LRRTM4: variants seen among roughly 807,000 people sequenced by gnomAD.
LRRTM4 encodes leucine-rich repeat transmembrane neuronal protein 4.
A neutral mutation model predicts 47.6 loss-of-function variants in LRRTM4; 25 were observed. The observed-to-expected ratio is 0.53, with a 90% CI of 0.38 to 0.73. LRRTM4 has a LOEUF of 0.73. LRRTM4 is among the 30% of genes least tolerant of loss of function. The pLI is 0.00. For synonymous variants in LRRTM4, 311 were observed against 269.5 expected (o/e 1.15, Z -1.51); for missense variants, 638 against 713.4 (o/e 0.89, Z 1.20).
At chr2:77,490,533 A>T (rs1678105461) in intron 3 of LRRTM4, among the ~76,000 whole-genome samples, 1 of 152,208 alleles carries the variant, frequency 6.6e-6, no homozygotes, top group African/African-American at 2.4e-5. Context: ...AATCCACAAA[A>T]GAAAAATCCT....
chr2:77,267,647 A>G (rs149071018), intron 3 of LRRTM4, among the ~76,000 whole-genome samples: 11 of 152,288 alleles, frequency 7.2e-5, no homozygotes, highest in Non-Finnish European at 1.0e-4. Context: ...TAACACCATT[A>G]GAGCCCACTT....
chr2:76,803,208 G>T (rs11126567), intron 3 of LRRTM4, among the ~76,000 whole-genome samples: 4,174 of 152,076 alleles, frequency 0.027, 191 homozygotes, highest in African/African-American at 0.082. Context: ...ATCATCAAGG[G>T]TTAATATCCA....
At chr2:77,016,407 G>C (rs1678073106) in intron 3 of LRRTM4, among the ~76,000 whole-genome samples, 1 of 151,438 alleles carries the variant, frequency 6.6e-6, no homozygotes, top group South Asian at 2.1e-4. Context: ...AAAAGAGTGA[G>C]GAAGAAGATG....
intron 3 of LRRTM4, among the ~76,000 whole-genome samples, chr2:77,330,680 A>C (rs1056411796): frequency 8.5e-5 from 13 of 152,200 alleles, no homozygotes; most frequent in Non-Finnish European, 1.6e-4. Flanking sequence ...AATATGACAA[A>C]TTTAATCATT....
At chr2:76,971,691 T>C (rs1049477820) in intron 3 of LRRTM4, among the ~76,000 whole-genome samples, 3 of 152,034 alleles carry the variant, frequency 2.0e-5, no homozygotes, top group Non-Finnish European at 4.4e-5. Flanking sequence ...AGAGTCAGCA[T>C]TTAACTGTAT....
chr2:77,521,579 C>T, intron 2 of LRRTM4, 89 bp downstream of exon 2: 2 of 1,492,820 alleles, frequency 1.3e-6, no homozygotes, highest in South Asian at 2.3e-5. Context: ...TGCCTGTTTC[C>T]CCGTCTTTTA....
intron 3 of LRRTM4, among the ~76,000 whole-genome samples, chr2:77,338,781 C>T (rs1558695400): frequency 6.6e-6 from 1 of 151,864 alleles, no homozygotes; most frequent in Non-Finnish European, 1.5e-5. Flanking sequence ...ATCATCGTAC[C>T]ACAAAGACAC....
intron 3 of LRRTM4, among the ~76,000 whole-genome samples, chr2:77,137,849 A>C (rs1389476109): frequency 6.6e-6 from 1 of 152,210 alleles, no homozygotes; most frequent in Non-Finnish European, 1.5e-5. Context: ...AACAGACTTT[A>C]AACCAACAGA....
intron 3 of LRRTM4, among the ~76,000 whole-genome samples, chr2:76,972,997 T>G (rs1203537147): frequency 6.6e-6 from 1 of 152,084 alleles, no homozygotes; most frequent in Non-Finnish European, 1.5e-5. Flanking sequence ...ATCAATATTT[T>G]AAAAGACTTT....
intron 3 of LRRTM4, among the ~76,000 whole-genome samples, chr2:76,766,863 A>T (rs1673476765): frequency 6.6e-6 from 1 of 152,094 alleles, no homozygotes. Context: ...ATACCCTGTT[A>T]CCCCCAAGGA....
At chr2:76,943,704 C>A (rs777273737) in intron 3 of LRRTM4, among the ~76,000 whole-genome samples, 10 of 152,170 alleles carry the variant, frequency 6.6e-5, no homozygotes, top group Non-Finnish European at 1.3e-4. Context: ...AACCTCAGAA[C>A]AACACACACT....
chr2:77,042,180 AATAT>A (rs1371037853), intron 3 of LRRTM4, among the ~76,000 whole-genome samples: 2 of 151,462 alleles, frequency 1.3e-5, no homozygotes, highest in African/African-American at 4.8e-5. Flanking sequence ...TTACACTATG[AATAT>A]ATATAAGAAT....
At chr2:77,137,566 C>T (rs967928319) in intron 3 of LRRTM4, among the ~76,000 whole-genome samples, 1 of 152,066 alleles carries the variant, frequency 6.6e-6, no homozygotes, top group African/African-American at 2.4e-5. Flanking sequence ...ACTGCATCAA[C>T]TAACAAGCAA....
At chr2:76,945,647 A>G (rs889175743) in intron 3 of LRRTM4, among the ~76,000 whole-genome samples, 4 of 152,036 alleles carry the variant, frequency 2.6e-5, no homozygotes, top group African/African-American at 7.2e-5. Flanking sequence ...TTGCAATAAA[A>G]TTCAAGAACA....
At chr2:77,510,316 G>A (rs192748162) in intron 3 of LRRTM4, among the ~76,000 whole-genome samples, 4 of 152,180 alleles carry the variant, frequency 2.6e-5, no homozygotes, top group Admixed American at 2.0e-4. Flanking sequence ...GTGAAAGAAC[G>A]TATGTTTCAG....
intron 3 of LRRTM4, among the ~76,000 whole-genome samples, chr2:77,325,026 T>C (rs1573254846): frequency 1.3e-5 from 2 of 152,150 alleles, no homozygotes; most frequent in East Asian, 3.9e-4. Flanking sequence ...TCCATGCACA[T>C]CCCTTCCACT....
At chr2:77,091,143 T>G (rs866189325) in intron 3 of LRRTM4, among the ~76,000 whole-genome samples, 111 of 145,742 alleles carry the variant, frequency 7.6e-4, no homozygotes, top group Middle Eastern at 3.4e-3. Flanking sequence ...GCTGAGACAC[T>G]TTAACTAAAT....
intron 3 of LRRTM4, among the ~76,000 whole-genome samples, chr2:76,818,586 C>T (rs910141452): frequency 1.3e-5 from 2 of 151,682 alleles, no homozygotes; most frequent in African/African-American, 4.8e-5. Flanking sequence ...TGATGCTTTG[C>T]AAATTCTCAC....
At chr2:76,828,654 CAGTT>C (rs1363070730) in intron 3 of LRRTM4, among the ~76,000 whole-genome samples, 11 of 151,982 alleles carry the variant, frequency 7.2e-5, no homozygotes, top group African/African-American at 1.7e-4. Context: ...TTTTTAGAAA[CAGTT>C]AGATCTTTGT....
Sources: allele counts gnomAD v4.1 joint callset (sites outside exome capture counted in the v4.1 genomes callset), GRCh38; gene constraint gnomAD v4.1.1; transcripts MANE v1.5; gene names NCBI Gene and HGNC (gene_info 2026-07-23, HGNC 2026-07-21).